MMP26: variants seen among roughly 807,000 people sequenced by gnomAD.
MMP26 encodes matrix metallopeptidase 26.
In MMP26, 33 loss-of-function variants were observed where a neutral mutation model predicts 31.0. The observed-to-expected ratio is 1.06, with a 90% confidence interval of 0.81 to 1.42. The LOEUF (loss-of-function observed/expected upper bound fraction) is 1.42, where lower values mean the gene tolerates loss of function less well. Among genes scored for constraint, MMP26 ranks in the 40% most tolerant of loss-of-function variants. The pLI is 0.00. For synonymous variants in MMP26, 122 were observed against 114.9 expected (o/e 1.06, Z -0.40); for missense variants, 347 against 316.1 (o/e 1.10, Z -0.74).
chr11:4,943,144 C>T (rs2595994), intron 2 of MMP26: 157,861 of 188,162 alleles, frequency 0.84, 66,465 homozygotes, highest in Middle Eastern at 0.91. Flanking sequence ...TGTTTTCCCA[C>T]AAACCTCTCA....
chr11:4,832,632 C>T (rs1849661665), intron 2 of MMP26: 1 of 169,304 alleles, frequency 5.9e-6, no homozygotes, highest in Non-Finnish European at 1.3e-5. Flanking sequence ...TAAAGAGACT[C>T]AGATACTGTA....
At chr11:4,710,069 C>CCTCTCCTT in intron 1 of MMP26, 1 of 456,764 alleles carries the variant, frequency 2.2e-6, no homozygotes, top group Non-Finnish European at 4.4e-6. Flanking sequence ...TCCTTAAGCG[C>CCTCTCCTT]CTCTCCTTCT....
At chr11:4,854,641 T>C (rs1850023192) in intron 2 of MMP26, among the ~76,000 whole-genome samples, 2 of 152,132 alleles carry the variant, frequency 1.3e-5, no homozygotes, top group African/African-American at 4.8e-5. Flanking sequence ...TGGGGGCAGG[T>C]CATAGCTGAA....
chr11:4,915,463 G>A, intron 2 of MMP26: 1 of 1,614,138 alleles, frequency 6.2e-7, no homozygotes, highest in Non-Finnish European at 8.5e-7. Context: ...GCATGGACAG[G>A]AAGAGATACA....
At chr11:4,863,571 C>G (rs1395679533) in intron 2 of MMP26, 1 of 152,124 alleles carries the variant, frequency 6.6e-6, no homozygotes, top group Admixed American at 6.6e-5. Flanking sequence ...ACATAGCTTG[C>G]TATACAGAGG....
intron 1 of MMP26, among the ~76,000 whole-genome samples, chr11:4,715,250 C>T (rs773708933): frequency 1.3e-4 from 19 of 150,096 alleles, no homozygotes; most frequent in South Asian, 2.1e-4. Flanking sequence ...TGTATTTGAT[C>T]GTACAATGGA....
chr11:4,893,598 AGTCTT>A (rs1472666641), intron 2 of MMP26, among the ~76,000 whole-genome samples: 1 of 152,174 alleles, frequency 6.6e-6, no homozygotes, highest in Non-Finnish European at 1.5e-5. Flanking sequence ...TCTCTTAAGC[AGTCTT>A]ATCTATTTAA....
At position 4,798,108 on chromosome 11, in the gene MMP26, C is replaced by A. The variant is rs113539226; in HGVS notation, c.-145+30767C>A. ...AGGACTTCCCAAAACTAGAGAATTT[C>A]AAATCTCTTTTACGACGGCCCATAC... On this transcript the variant is annotated intron_variant, in intron 2 of 7. Coordinates refer to ENST00000380390, the MANE Select transcript of MMP26 (RefSeq NM_021801.5). 4.5e-3 allele frequency among the ~76,000 whole-genome samples: 682 copies of A among 152,276 alleles called. 4 individuals are homozygous for A. Among genetic ancestry groups the A allele is most frequent in the African/African-American group, 0.015 (613 of 41,552 alleles).
At chr11:4,972,088 T>C (rs1310004184) in intron 2 of MMP26, among the ~76,000 whole-genome samples, 1 of 152,172 alleles carries the variant, frequency 6.6e-6, no homozygotes, top group East Asian at 1.9e-4. Flanking sequence ...ACAGGATTCT[T>C]GCTATCAGCA....
chr11:4,908,066 AG>A, intron 2 of MMP26: 1 of 1,614,102 alleles, frequency 6.2e-7, no homozygotes, highest in Non-Finnish European at 8.5e-7. Flanking sequence ...TTTGGCAGAG[AG>A]GCTTAAGGCC....
At chr11:4,986,905 T>TTCTCTCTCTCTCTCTCTCTCTCTC (rs71050445) in intron 2 of MMP26, among the ~76,000 whole-genome samples, 5 of 48,644 alleles carry the variant, frequency 1.0e-4, no homozygotes, top group African/African-American at 4.2e-4. Context: ...CTTCCTTCCT[T>TTCTCTCTCTCTCTCTCTCTCTCTC]TCTCTCTCTC....
chr11:4,801,205 C>T (rs1382728559), intron 2 of MMP26, among the ~76,000 whole-genome samples: 1 of 152,180 alleles, frequency 6.6e-6, no homozygotes, highest in Non-Finnish European at 1.5e-5. Flanking sequence ...TGCCCATTAC[C>T]CAGTTCCAAA....
chr11:4,956,535 A>G (rs923530547), intron 2 of MMP26, among the ~76,000 whole-genome samples: 1 of 152,154 alleles, frequency 6.6e-6, no homozygotes, highest in Non-Finnish European at 1.5e-5. Context: ...GATATTTCTG[A>G]ATGGATAGTT....
intron 1 of MMP26, among the ~76,000 whole-genome samples, chr11:4,727,734 G>A (rs989512844): frequency 1.3e-4 from 20 of 152,098 alleles, no homozygotes; most frequent in Admixed American, 8.5e-4. Context: ...GCTTGAACCC[G>A]GGAGGTGGAG....
intron 1 of MMP26, among the ~76,000 whole-genome samples, chr11:4,734,846 T>TATATAAGCAGGGCATAGGCAGAATAGCC (rs1296636856): frequency 6.6e-6 from 1 of 151,736 alleles, no homozygotes. Context: ...ATAGCATATT[T>TATATAAGCAGGGCATAGGCAGAATAGCC]TCAGCTTGTA....
At chr11:4,918,953 T>C (rs1393401420) in intron 2 of MMP26, among the ~76,000 whole-genome samples, 1 of 152,250 alleles carries the variant, frequency 6.6e-6, no homozygotes, top group African/African-American at 2.4e-5. Context: ...TGACCTTTAA[T>C]AACCGAGCTC....
chr11:4,961,602 A>C (rs968189109), intron 2 of MMP26, among the ~76,000 whole-genome samples: 1 of 152,216 alleles, frequency 6.6e-6, no homozygotes, highest in Non-Finnish European at 1.5e-5. Flanking sequence ...ACAATAACAA[A>C]GTAATAGTTT....
At chr11:4,745,782 TC>T (rs575429775) in intron 1 of MMP26, among the ~76,000 whole-genome samples, 170 of 152,292 alleles carry the variant, frequency 1.1e-3, no homozygotes, top group South Asian at 5.8e-3. Context: ...CCCTCCCCAC[TC>T]CTGGAAACCA....
chr11:4,864,562 C>T (rs1850209021), intron 2 of MMP26, among the ~76,000 whole-genome samples: 1 of 152,180 alleles, frequency 6.6e-6, no homozygotes, highest in Non-Finnish European at 1.5e-5. Context: ...TTCTTTCCCA[C>T]TGTGTATTAC....
Sources: gnomAD v4.1 joint callset for allele counts (sites outside exome capture counted in the v4.1 genomes callset) on GRCh38, gnomAD v4.1.1 for gene constraint, MANE v1.5 for transcripts, NCBI Gene and HGNC (gene_info 2026-07-23, HGNC 2026-07-21) for gene names.